NEO1: variants seen among roughly 807,000 people sequenced by gnomAD.
The protein encoded by NEO1 is neogenin 1, also known as neogenin.
Under a neutral mutation model 159.7 loss-of-function variants are expected in NEO1, and 63 were observed. The observed-to-expected ratio is 0.39, with a 90% CI of 0.32 to 0.49. NEO1 has a LOEUF of 0.49. NEO1 is among the 20% of genes least tolerant of loss of function. The pLI, the probability that NEO1 is intolerant of heterozygous loss-of-function variation, is 0.85. For synonymous variants in NEO1, 633 were observed against 662.0 expected, an observed-to-expected ratio of 0.96 and a Z score of 0.67; for missense variants, 1,615 against 1,831.0, an observed-to-expected ratio of 0.88 and a Z score of 2.15.
intron 15 of NEO1, among the ~76,000 whole-genome samples, chr15:73,265,624 C>CA (rs1305389973): frequency 1.3e-5 from 2 of 152,252 alleles, no homozygotes; most frequent in African/African-American, 4.8e-5. Flanking sequence ...CTGTGTTGCC[C>CA]AAAGCACTTT....
At chr15:73,202,237 A>G (rs1226708864) in intron 7 of NEO1, among the ~76,000 whole-genome samples, 1 of 152,180 alleles carries the variant, frequency 6.6e-6, no homozygotes, top group Non-Finnish European at 1.5e-5. Flanking sequence ...TGCTGGGATT[A>G]CAGGCATGAG....
chr15:73,246,801 G>A (rs569593992), intron 9 of NEO1, among the ~76,000 whole-genome samples: 13 of 152,226 alleles, frequency 8.5e-5, no homozygotes, highest in Non-Finnish European at 1.5e-4. Context: ...AGTTTTCATT[G>A]TCATTTCAGA....
chr15:73,220,552 T>C (rs2078058615), intron 7 of NEO1, among the ~76,000 whole-genome samples: 1 of 152,332 alleles, frequency 6.6e-6, no homozygotes, highest in East Asian at 1.9e-4. Flanking sequence ...CTCCCTGTCA[T>C]TTTCAGGTAC....
chr15:73,294,095 A>C (rs1011049223), intron 26 of NEO1, among the ~76,000 whole-genome samples: 1 of 152,214 alleles, frequency 6.6e-6, no homozygotes, highest in Non-Finnish European at 1.5e-5. Context: ...AAAATTAGGA[A>C]GCGATGCACA....
intron 5 of NEO1, among the ~76,000 whole-genome samples, chr15:73,159,159 A>G (rs748314473): frequency 2.6e-5 from 4 of 152,240 alleles, no homozygotes; most frequent in Non-Finnish European, 4.4e-5. Context: ...GTTATTTAGA[A>G]CGAGAAAAGA....
At chr15:73,203,456 C>G (rs557519404) in intron 7 of NEO1, among the ~76,000 whole-genome samples, 1 of 152,238 alleles carries the variant, frequency 6.6e-6, no homozygotes, top group South Asian at 2.1e-4. Context: ...AGGCCAGTTA[C>G]ATTTAAAGTG....
chr15:73,171,799 G>A (rs1045937463), intron 5 of NEO1, among the ~76,000 whole-genome samples: 2 of 151,632 alleles, frequency 1.3e-5, no homozygotes, highest in Admixed American at 6.6e-5. Context: ...GAGTCACCAC[G>A]CCTGGCTAAT....
intron 7 of NEO1, among the ~76,000 whole-genome samples, chr15:73,203,990 T>A (rs2037063965): frequency 6.6e-6 from 1 of 152,100 alleles, no homozygotes; most frequent in South Asian, 2.1e-4. Context: ...GAAGAACTTC[T>A]TTTAACATTT....
chr15:73,147,883 G>A (rs931713701), intron 5 of NEO1, among the ~76,000 whole-genome samples: 1 of 150,830 alleles, frequency 6.6e-6, no homozygotes, highest in African/African-American at 2.4e-5. Flanking sequence ...GCGCGATCTC[G>A]GCTCACTGCA....
chr15:73,273,722 C>G, intron 19 of NEO1, 89 bp from the exon 20 acceptor site: 1 of 864,874 alleles, frequency 1.2e-6, no homozygotes, highest in Non-Finnish European at 1.8e-6. Context: ...CTATAATATT[C>G]ATATGATATA....
At chr15:73,087,662 G>A (rs2069441745) in intron 1 of NEO1, among the ~76,000 whole-genome samples, 1 of 152,110 alleles carries the variant, frequency 6.6e-6, no homozygotes, top group African/African-American at 2.4e-5. Flanking sequence ...TCAGAATAAT[G>A]TAATTGTAGA....
At chr15:73,297,601 G>C (rs1478193605) in intron 26 of NEO1, among the ~76,000 whole-genome samples, 2 of 152,208 alleles carry the variant, frequency 1.3e-5, no homozygotes, top group African/African-American at 4.8e-5. Flanking sequence ...TCTGACTCCA[G>C]AGTCCGTGCT....
At chr15:73,109,761 G>T (rs1008234960) in intron 1 of NEO1, among the ~76,000 whole-genome samples, 1 of 152,064 alleles carries the variant, frequency 6.6e-6, no homozygotes, top group Non-Finnish European at 1.5e-5. Flanking sequence ...GTTGTATGCC[G>T]TGAAGTTTTA....
rs115825531 is a variant in NEO1 at position 73,204,636 on chromosome 15, T to G, written c.1291+26209T>G. ...TTTTGATTCTTTTTTTACAGTTCTG[T>G]CTCTGTGCTTACTAGTCTCTTCTTG... On this transcript the variant is annotated intron_variant, in intron 7 of 28. Transcript: ENST00000261908. Among the ~76,000 whole-genome samples the G allele has an allele frequency of 3.1e-3, 468 of 152,292 alleles. 1 individual carries two copies. Among genetic ancestry groups the G allele is most frequent in the African/African-American group, 0.011 (439 of 41,562 alleles).
chr15:73,250,300 A>C (rs1419914593), intron 11 of NEO1, among the ~76,000 whole-genome samples: 1 of 152,200 alleles, frequency 6.6e-6, no homozygotes, highest in Non-Finnish European at 1.5e-5. Context: ...TATTTTTAGA[A>C]TAGAACAGAA....
chr15:73,231,136 T>A (rs867231256), intron 7 of NEO1, among the ~76,000 whole-genome samples: 2 of 152,184 alleles, frequency 1.3e-5, no homozygotes, highest in African/African-American at 4.8e-5. Flanking sequence ...CAAAAACTGC[T>A]AAAACTATTA....
Position 73,099,783 on chromosome 15 carries a change from A to T in NEO1, c.131-16757A>T, listed in dbSNP as rs116000862. 3.4e-3 allele frequency among the ~76,000 whole-genome samples: 521 copies of T among 152,344 alleles called. 2 individuals carry two copies. Among genetic ancestry groups the T allele is most frequent in the African/African-American group, 0.012 (495 of 41,572 alleles). ...GTAATACTTGTTTTCCATATGAGGA[A>T]AGTACTCTTAGCAATATTTAGAGCA... On this transcript the variant is annotated intron_variant, in intron 1 of 28. Coordinates refer to ENST00000261908, the MANE Select transcript of NEO1 (RefSeq NM_002499.4).
At position 73,247,307 on chromosome 15, in the gene NEO1, T is replaced by C. The variant is rs911052067; in HGVS notation, c.1607-1753T>C. On this transcript the variant is annotated intron_variant, in intron 9 of 28. Transcript: ENST00000261908. ...ACAAACCAACTTAACATTTTTTCCATTTATTATGCCACTGTACAGCTGAAA... is the reference window on the plus strand; with the variant it reads ...ACAAACCAACTTAACATTTTTTCCACTTATTATGCCACTGTACAGCTGAAA... Among the ~76,000 whole-genome samples the C allele has an allele frequency of 9.2e-5, 14 of 152,346 alleles. No homozygotes were observed. The South Asian group carries it at 1.0e-3, about 11-fold the overall frequency.
At chr15:73,135,123 T>C (rs780300443) in intron 4 of NEO1, among the ~76,000 whole-genome samples, 2 of 152,228 alleles carry the variant, frequency 1.3e-5, no homozygotes, top group Non-Finnish European at 2.9e-5. Flanking sequence ...TCTGATTTTG[T>C]TAGTAACTCT....
Sources: allele counts gnomAD v4.1 joint callset (sites outside exome capture counted in the v4.1 genomes callset), GRCh38; gene constraint gnomAD v4.1.1; transcripts MANE v1.5; gene names NCBI Gene and HGNC (gene_info 2026-07-23, HGNC 2026-07-21).